PLAG1: variants seen among roughly 807,000 people sequenced by gnomAD.
PLAG1 encodes the protein zinc finger protein PLAG1.
In PLAG1, 7 loss-of-function variants were observed where a neutral mutation model predicts 35.5. That is an observed-to-expected ratio of 0.20 (90% CI 0.11 to 0.37). The LOEUF (loss-of-function observed/expected upper bound fraction) is 0.37, where lower values mean the gene tolerates loss of function less well. PLAG1 is among the 10% of genes least tolerant of loss of function. PLAG1 has a pLI of 1.00. For missense variants in PLAG1, 454 were observed against 602.8 expected (o/e 0.75, Z 2.58); for synonymous variants, 229 against 225.4 (o/e 1.02, Z -0.14).
chr8:56,176,050 T>C (rs1811681895), intron 2 of PLAG1, among the ~76,000 whole-genome samples: 1 of 149,672 alleles, frequency 6.7e-6, no homozygotes, highest in East Asian at 1.9e-4. Context: ...CCTTTTCTTT[T>C]TTTTTTTTTT....
intron 1 of PLAG1, among the ~76,000 whole-genome samples, chr8:56,180,659 G>A (rs1732155911): frequency 6.6e-6 from 1 of 152,172 alleles, no homozygotes; most frequent in African/African-American, 2.4e-5. Context: ...TGTAAGGAAG[G>A]TGTCCAGTTT....
intron 1 of PLAG1, among the ~76,000 whole-genome samples, chr8:56,195,768 A>T (rs1019371897): frequency 8.5e-5 from 13 of 152,092 alleles, no homozygotes; most frequent in African/African-American, 3.1e-4. Flanking sequence ...GTGTGGGAGA[A>T]CAGGTGACGG....
At chr8:56,210,249 A>G in intron 1 of PLAG1, among the ~76,000 whole-genome samples, 1 of 152,100 alleles carries the variant, frequency 6.6e-6, no homozygotes, top group East Asian at 1.9e-4. Flanking sequence ...GAAAAGGGGG[A>G]GCATCCCGGA....
intron 1 of PLAG1, among the ~76,000 whole-genome samples, chr8:56,188,996 G>GGCCA (rs1812101516): frequency 6.6e-6 from 1 of 152,160 alleles, no homozygotes; most frequent in Non-Finnish European, 1.5e-5. Context: ...TCTTCCACTG[G>GGCCA]GTCCCAGTGA....
intron 1 of PLAG1, among the ~76,000 whole-genome samples, chr8:56,200,109 G>C (rs912247331): frequency 6.6e-6 from 1 of 152,124 alleles, no homozygotes; most frequent in East Asian, 1.9e-4. Flanking sequence ...GAAGAATGGG[G>C]CACGTGCTGC....
chr8:56,198,617 C>T lies in PLAG1; in HGVS notation c.-322+12504G>A, dbSNP rs528251331. On this transcript the variant is annotated intron_variant, in intron 1 of 4. Transcript: ENST00000316981. ...TATCTCGCTCCCTCTGCCTCCAGCA[C>T]GTAGAGCTCCTCCTCCAGACCTCAG... is the stretch of plus-strand genomic sequence containing the variant. Among the ~76,000 whole-genome samples, 9 of 152,330 alleles carry T rather than the reference C, an allele frequency of 5.9e-5. No homozygotes were observed. In the East Asian group the frequency reaches 7.7e-4, roughly 13 times the overall value.
intron 2 of PLAG1, among the ~76,000 whole-genome samples, chr8:56,178,597 T>C (rs977977850): frequency 6.6e-6 from 1 of 152,218 alleles, no homozygotes; most frequent in Non-Finnish European, 1.5e-5. Flanking sequence ...GCTCTGTTGA[T>C]GTATCTTGTG....
At chr8:56,175,570 C>A (rs550814597) in intron 2 of PLAG1, among the ~76,000 whole-genome samples, 8 of 152,086 alleles carry the variant, frequency 5.3e-5, no homozygotes, top group South Asian at 2.1e-4. Flanking sequence ...AATAAGGATG[C>A]CCTTTTTGAA....
rs919743535 is a variant in PLAG1 at position 56,163,694 on chromosome 8, C to T, written c.*2549G>A. The T allele has an allele frequency of 5.2e-6, 1 of 190,902 alleles. No homozygotes were observed. Among genetic ancestry groups the T allele is most frequent in the Non-Finnish European group, 1.1e-5 (1 of 90,852 alleles). The allele number at this position is 190,902 out of a possible 1,614,324, so 11.8% of individuals were successfully genotyped here. On this transcript the variant is annotated 3_prime_UTR_variant, in exon 5 of 5. Coordinates refer to ENST00000316981, the MANE Select transcript of PLAG1 (RefSeq NM_002655.3). ...GTGTGTATATATACACACACACACA[C>T]ACACATACACATACATACATATATG...
chr8:56,206,689 G>A (rs1440053111), intron 1 of PLAG1, among the ~76,000 whole-genome samples: 1 of 151,812 alleles, frequency 6.6e-6, no homozygotes, highest in Non-Finnish European at 1.5e-5. Context: ...CTTACTAATT[G>A]GTTAAATATG....
In PLAG1 at chr8:56,166,467, A is replaced by C; in HGVS notation, c.1279T>G (p.Leu427Val). The C allele has an allele frequency of 6.2e-7, 1 of 1,613,676 alleles. No individual in the cohort carries two copies. The change falls in exon 5 of 5, where the codon TTA becomes GTA. Residue 427 changes from leucine to valine, a missense_variant. Physicochemically the swap from Leu to Val is conservative, Grantham distance 32. Coordinates refer to ENST00000316981, the MANE Select transcript of PLAG1 (RefSeq NM_002655.3). ...DFSQLFNFIP[L>V]NGPPYNPLSV... ...AGAGGATTATAGGGAGGACCATTTA[A>C]AGGTATGAAATTAAACAACTGAGAA...
chr8:56,184,515 CAA>C (rs1811962998), intron 1 of PLAG1, among the ~76,000 whole-genome samples: 1 of 152,192 alleles, frequency 6.6e-6, no homozygotes. Flanking sequence ...TAGGTCTTCA[CAA>C]AGACTTGTTC....
At chr8:56,179,023 CAAAAAAA>C (rs1173709224) in intron 2 of PLAG1, among the ~76,000 whole-genome samples, 27 of 42,944 alleles carry the variant, frequency 6.3e-4, no homozygotes, top group Middle Eastern at 0.013. Flanking sequence ...GCCCAGGAGA[CAAAAAAA>C]AAAAAAAAAA....
chr8:56,169,557 G>A (rs1172681976), intron 3 of PLAG1, among the ~76,000 whole-genome samples: 3 of 151,824 alleles, frequency 2.0e-5, no homozygotes, highest in Non-Finnish European at 4.4e-5. Context: ...ATTTTCTTTT[G>A]AGACAGAGTC....
At chr8:56,189,398 C>G (rs562588897) in intron 1 of PLAG1, among the ~76,000 whole-genome samples, 1 of 152,132 alleles carries the variant, frequency 6.6e-6, no homozygotes, top group Admixed American at 6.5e-5. Flanking sequence ...CCAGAAAGTT[C>G]GTCTTCCCCA....
At chr8:56,175,676 T>C (rs544810534) in intron 2 of PLAG1, among the ~76,000 whole-genome samples, 18 of 152,322 alleles carry the variant, frequency 1.2e-4, no homozygotes, top group Admixed American at 1.2e-3. Flanking sequence ...TTAGCCTTAC[T>C]GATGTTTAGA....
At chr8:56,196,210 G>A (rs1812361044) in intron 1 of PLAG1, among the ~76,000 whole-genome samples, 2 of 152,270 alleles carry the variant, frequency 1.3e-5, no homozygotes, top group African/African-American at 2.4e-5. Flanking sequence ...AAACAAGCCC[G>A]AGGGAATGGG....
chr8:56,188,348 G>A (rs1812084157), intron 1 of PLAG1, among the ~76,000 whole-genome samples: 1 of 152,206 alleles, frequency 6.6e-6, no homozygotes. Flanking sequence ...TACCGCAAAG[G>A]AGGCTGCTCT....
intron 1 of PLAG1, among the ~76,000 whole-genome samples, chr8:56,198,555 A>G (rs1318139742): frequency 6.6e-6 from 1 of 152,186 alleles, no homozygotes; most frequent in African/African-American, 2.4e-5. Flanking sequence ...TAGACGTTAC[A>G]AGACAGTCCA....
Sources: allele counts gnomAD v4.1 joint callset (sites outside exome capture counted in the v4.1 genomes callset), GRCh38; gene constraint gnomAD v4.1.1; transcripts MANE v1.5; gene names NCBI Gene and HGNC (gene_info 2026-07-23, HGNC 2026-07-21).